The following DHX33 variants were observed in gnomAD, a reference collection of about 807,000 sequenced individuals.
DHX33 encodes the protein DEAH-box helicase 33, also known as ATP-dependent RNA helicase DHX33.
A neutral mutation model predicts 72.5 loss-of-function variants in DHX33; 42 were observed. That is an observed-to-expected ratio of 0.58 (90% CI 0.45 to 0.75). The LOEUF (loss-of-function observed/expected upper bound fraction) is 0.75, where lower values mean the gene tolerates loss of function less well. Among genes scored for constraint, DHX33 ranks in the 30% least tolerant of loss-of-function variants. The pLI is 0.00. For missense variants in DHX33, 842 were observed against 917.5 expected, an observed-to-expected ratio of 0.92 and a Z score of 1.06; for synonymous variants, 358 against 366.1, an observed-to-expected ratio of 0.98 and a Z score of 0.25.
intron 4 of DHX33, among the ~76,000 whole-genome samples, chr17:5,459,489 C>T (rs1042807408): frequency 7.9e-5 from 12 of 151,988 alleles, no homozygotes; most frequent in African/African-American, 2.9e-4. Context: ...GGCTGGAGTG[C>T]GGTGATCATA....
At chr17:5,447,172 A>G (rs1916689884) in intron 11 of DHX33, among the ~76,000 whole-genome samples, 1 of 152,238 alleles carries the variant, frequency 6.6e-6, no homozygotes, top group Admixed American at 6.5e-5. Context: ...TAAATATACC[A>G]TGACAGCTCT....
intron 11 of DHX33, among the ~76,000 whole-genome samples, chr17:5,448,288 G>A (rs1916742545): frequency 6.6e-6 from 1 of 152,246 alleles, no homozygotes; most frequent in African/African-American, 2.4e-5. Flanking sequence ...TATCCGTTAT[G>A]TGTGTGCTCA....
chr17:5,453,392 TA>T (rs1489822853), intron 8 of DHX33, among the ~76,000 whole-genome samples, 187 bp downstream of exon 8: 2 of 152,224 alleles, frequency 1.3e-5, no homozygotes, highest in African/African-American at 4.8e-5. Flanking sequence ...CCTGTCTCTT[TA>T]AAAGTCAATC....
rs552822218 is a variant in DHX33 at position 5,450,125 on chromosome 17, C to T, written c.1728+78G>A. 104 of 1,543,198 alleles carry T rather than the reference C, an allele frequency of 6.7e-5. 1 individual carries two copies. Among genetic ancestry groups the T allele is most frequent in the East Asian group, 3.6e-4 (16 of 44,154 alleles). Reference sequence around the variant, plus strand: ...AAAAAGGGAAAGCGTACTTTTTGCACGGCTTCAGTAGAAAAAGGGAAGCAC... The same window carrying T: ...AAAAAGGGAAAGCGTACTTTTTGCATGGCTTCAGTAGAAAAAGGGAAGCAC... On this transcript the variant is annotated intron_variant, in intron 10 of 11. Transcript: ENST00000225296.
intron 1 of DHX33, among the ~76,000 whole-genome samples, chr17:5,464,918 G>A (rs1361558947): frequency 2.6e-5 from 4 of 152,146 alleles, no homozygotes; most frequent in African/African-American, 9.7e-5. Context: ...CGCTCCCCTG[G>A]CTGCACAGTG....
At position 5,460,415 on chromosome 17, in the gene DHX33, C is replaced by T. The variant is rs114075128; in HGVS notation, c.849+524G>A. Among the ~76,000 whole-genome samples the T allele has an allele frequency of 2.0e-5, 3 of 152,026 alleles. No homozygotes were observed. In the East Asian group the frequency reaches 5.8e-4, roughly 29 times the overall value. On this transcript the variant is annotated intron_variant, in intron 4 of 11. Coordinates refer to ENST00000225296, the MANE Select transcript of DHX33 (RefSeq NM_020162.4). Reference sequence around the variant, plus strand: ...AGTGTAAGAAAGCTGCTGGTCAGAACTGAATTATTTTTCTTTTCAATGAAA... The same window carrying T: ...AGTGTAAGAAAGCTGCTGGTCAGAATTGAATTATTTTTCTTTTCAATGAAA...
At chr17:5,456,642 G>C (rs768507290) in intron 4 of DHX33, among the ~76,000 whole-genome samples, 3 of 152,166 alleles carry the variant, frequency 2.0e-5, no homozygotes, top group Non-Finnish European at 4.4e-5. Context: ...ATGTTTATAG[G>C]CCAAGTGATG....
In DHX33 at chr17:5,450,884, G is replaced by C. The variant is rs11653658; in HGVS notation, c.1447C>G (p.His483Asp). The C allele has an allele frequency of 0.066, 106,193 of 1,613,998 alleles. 3,877 individuals carry two copies. Among genetic ancestry groups the C allele is most frequent in the Middle Eastern group, 0.13 (781 of 6,060 alleles). Residue 483 changes from histidine (H) to aspartate (D), a missense_variant, in exon 9 of 12, where the codon CAT becomes GAT. By Grantham distance (81) the His-to-Asp change is moderately conservative (BLOSUM62 -1). Coordinates refer to ENST00000225296, the MANE Select transcript of DHX33 (RefSeq NM_020162.4). ...AQLDLLGALE[H>D]KDDQLTLTPM... ...GTCAGGGTAAGCTGGTCATCCTTAT[G>C]TTCAAGAGCACCTAACAGGTCCAGT...
intron 1 of DHX33, among the ~76,000 whole-genome samples, chr17:5,465,965 G>A (rs1473857632): frequency 6.6e-6 from 1 of 152,072 alleles, no homozygotes; most frequent in Non-Finnish European, 1.5e-5. Context: ...TCCTCTTCCA[G>A]ACCAGCCCTG....
At position 5,468,977 on chromosome 17, in the gene DHX33, A is replaced by T; in HGVS notation, c.-118T>A. On this transcript the variant is annotated 5_prime_UTR_variant, in exon 1 of 12. Coordinates refer to ENST00000225296, the MANE Select transcript of DHX33 (RefSeq NM_020162.4). Reference sequence around the variant, plus strand: ...CGCCACGTGCTGGCGGCTCCCGGCGACCACCGATGACCTCACGGCCGCCCC... The same window carrying T: ...CGCCACGTGCTGGCGGCTCCCGGCGTCCACCGATGACCTCACGGCCGCCCC... 2 of 577,090 alleles carry T rather than the reference A, an allele frequency of 3.5e-6. No individual in the cohort carries two copies. Among genetic ancestry groups the T allele is most frequent in the Non-Finnish European group, 6.2e-6 (2 of 325,190 alleles). The allele number at this position is 577,090 out of a possible 1,614,324, so 35.7% of individuals were successfully genotyped here.
At chr17:5,456,487 A>AC (rs1904332787) in intron 4 of DHX33, among the ~76,000 whole-genome samples, 1 of 152,112 alleles carries the variant, frequency 6.6e-6, no homozygotes, top group East Asian at 1.9e-4. Context: ...TCTCTACAAA[A>AC]CACTTTTTTT....
intron 11 of DHX33, among the ~76,000 whole-genome samples, chr17:5,448,139 G>A (rs1916735231): frequency 6.6e-6 from 1 of 152,194 alleles, no homozygotes; most frequent in South Asian, 2.1e-4. Flanking sequence ...AGGCTGTGGT[G>A]AGCCAAGATG....
At chr17:5,455,134 G>C (rs758622368) in intron 6 of DHX33, 26 bp downstream of exon 6, 3 of 1,576,542 alleles carry the variant, frequency 1.9e-6, no homozygotes, top group Non-Finnish European at 2.6e-6. Context: ...ACACAGGAGA[G>C]ACATTCATGA....
chr17:5,462,222 G>A (rs1359682854), intron 3 of DHX33, 97 bp downstream of exon 3: 2 of 1,181,650 alleles, frequency 1.7e-6, no homozygotes, highest in Admixed American at 2.3e-5. Context: ...TTACAGGCGT[G>A]AGCCACCGCG....
rs1394015054 is a variant in DHX33 at position 5,442,275 on chromosome 17, T to A, written c.*1930A>T. The A allele has an allele frequency of 6.8e-6, 1 of 146,454 alleles. No homozygotes were observed. Among genetic ancestry groups the A allele is most frequent in the African/African-American group, 2.6e-5 (1 of 38,214 alleles). 9.1% of individuals were successfully genotyped at this position (146,454 alleles called of 1,614,324 possible). A position where few individuals can be genotyped will look rare whatever the true frequency, so the allele number is the denominator to read the frequency against. The stretch of plus-strand genomic sequence containing the variant: ...ATTTTTTTTTTTTTTTTTTTTTTTT[T>A]ACCAGCACTATGAATGATTAAAAAT... On this transcript the variant is annotated 3_prime_UTR_variant, in exon 12 of 12. Coordinates refer to ENST00000225296, the MANE Select transcript of DHX33 (RefSeq NM_020162.4).
chr17:5,446,109 G>A (rs1374331469), intron 11 of DHX33, among the ~76,000 whole-genome samples: 1 of 152,124 alleles, frequency 6.6e-6, no homozygotes, highest in Admixed American at 6.5e-5. Context: ...TGAGTAGCTG[G>A]GGTTATAGGC....
intron 8 of DHX33, 25 bp from the exon 9 acceptor site, chr17:5,450,959 G>T: frequency 6.2e-7 from 1 of 1,605,026 alleles, no homozygotes; most frequent in South Asian, 1.1e-5. Context: ...ACATAAAAAG[G>T]AGCCAAAAGT....
chr17:5,460,046 G>A (rs1448093498), intron 4 of DHX33, among the ~76,000 whole-genome samples: 3 of 137,932 alleles, frequency 2.2e-5, no homozygotes, highest in East Asian at 2.0e-4. Context: ...ACAGACCCTC[G>A]CCCTGTCACC....
intron 1 of DHX33, among the ~76,000 whole-genome samples, chr17:5,466,406 A>G (rs1244849394): frequency 6.6e-6 from 1 of 152,204 alleles, no homozygotes; most frequent in African/African-American, 2.4e-5. Flanking sequence ...TCCTAAATCG[A>G]GCAGCATCCA....
Sources: gnomAD v4.1 joint callset for allele counts (sites outside exome capture counted in the v4.1 genomes callset) on GRCh38, gnomAD v4.1.1 for gene constraint, MANE v1.5 for transcripts, NCBI Gene and HGNC (gene_info 2026-07-23, HGNC 2026-07-21) for gene names.